SLC22A14: variants seen among roughly 807,000 people sequenced by gnomAD.
The protein encoded by SLC22A14 is organic cation transporter-like 4.
In SLC22A14, 50 loss-of-function variants were observed where a neutral mutation model predicts 53.9. The observed-to-expected ratio is 0.93, with a 90% CI of 0.74 to 1.17. The LOEUF is 1.17. Ranked by LOEUF, SLC22A14 falls within the 50% of genes most tolerant of loss-of-function variation. The pLI is 0.00. For synonymous variants in SLC22A14, 312 were observed against 303.0 expected (o/e 1.03, Z -0.31); for missense variants, 671 against 734.7 (o/e 0.91, Z 1.00).
chr3:38,291,023 A>G (rs1703902493), intron 1 of SLC22A14, among the ~76,000 whole-genome samples: 1 of 152,094 alleles, frequency 6.6e-6, no homozygotes, highest in Non-Finnish European at 1.5e-5. Context: ...TTCTCTCCAT[A>G]TTGCTGCGTG....
chr3:38,279,701 C>T (rs1298265058), upstream of SLC22A14, among the ~76,000 whole-genome samples: 8 of 151,476 alleles, frequency 5.3e-5, no homozygotes, highest in African/African-American at 1.7e-4. Context: ...GGGTAAGTGT[C>T]CTTTAGCAGT....
chr3:38,296,178 C>T (rs930848500), intron 1 of SLC22A14, among the ~76,000 whole-genome samples: 14 of 152,208 alleles, frequency 9.2e-5, no homozygotes, highest in African/African-American at 1.2e-4. Flanking sequence ...TAGGGGCACA[C>T]GCATGGGCGG....
At position 38,296,186 on chromosome 3, in the gene SLC22A14, C is replaced by T. The variant is rs752988632; in HGVS notation, c.1-9841C>T. Among the ~76,000 whole-genome samples, 29 of 151,984 alleles carry T rather than the reference C, an allele frequency of 1.9e-4. 1 individual carries two copies. The highest frequency in any genetic ancestry group is 6.3e-4 in the South Asian group (3 of 4,798). On this transcript the variant is annotated intron_variant, in intron 1 of 10. Coordinates refer to ENST00000448498, the MANE Select transcript of SLC22A14 (RefSeq NM_001320033.2). Reference sequence around the variant, plus strand: ...GGAAAGGTAGGGGCACACGCATGGGCGGCTGTTGAATAGAGACTTCTGGCT... The same window carrying T: ...GGAAAGGTAGGGGCACACGCATGGGTGGCTGTTGAATAGAGACTTCTGGCT...
At chr3:38,280,700 G>A (rs1703648888), upstream of SLC22A14, among the ~76,000 whole-genome samples, 1 of 149,810 alleles carries the variant, frequency 6.7e-6, no homozygotes, top group East Asian at 2.0e-4. Context: ...GCAATTCTCT[G>A]CTCACCGCAA....
chr3:38,292,670 G>C (rs1466314774), intron 1 of SLC22A14, among the ~76,000 whole-genome samples: 1 of 152,088 alleles, frequency 6.6e-6, no homozygotes, highest in African/African-American at 2.4e-5. Context: ...AATTTGAACA[G>C]GACGGGAATT....
chr3:38,300,435 A>G (rs846366), intron 1 of SLC22A14, among the ~76,000 whole-genome samples: 3,606 of 152,208 alleles, frequency 0.024, 58 homozygotes, highest in Non-Finnish European at 0.04. Flanking sequence ...GTGAGACTTC[A>G]TCTCAAAAAA....
intron 6 of SLC22A14, 82 bp downstream of exon 6, chr3:38,313,201 C>T: frequency 6.4e-7 from 1 of 1,565,572 alleles, no homozygotes; most frequent in Non-Finnish European, 8.7e-7. Flanking sequence ...TCAGGTGGGA[C>T]ATTGGTCCAG....
rs1704536900 is a variant in SLC22A14, at chr3:38,313,677, C to CAT, written c.1164-50_1164-49insAT. 33 of 762,494 alleles carry CAT rather than the reference C, an allele frequency of 4.3e-5. 2 individuals are homozygous for CAT. Among genetic ancestry groups the CAT allele is most frequent in the South Asian group, 4.2e-4 (25 of 59,370 alleles). The allele number at this position is 762,494 out of a possible 1,614,324, so 47.2% of individuals were successfully genotyped here. A position where few individuals can be genotyped will look rare whatever the true frequency, so the allele number is the denominator to read the frequency against. On this transcript the variant is annotated intron_variant, in intron 7 of 10. Transcript: ENST00000448498. ...CTGCCTCTGTCTTTATTCCTGGCTC[C>CAT]GTGTGTGTGCGCGCGTGTGCACGCG...
intron 1 of SLC22A14, among the ~76,000 whole-genome samples, chr3:38,285,633 A>C (rs989580876): frequency 1.3e-5 from 2 of 152,100 alleles, no homozygotes; most frequent in Non-Finnish European, 2.9e-5. Context: ...AAGCTTCTTC[A>C]TTTTCATTGC....
intron 1 of SLC22A14, among the ~76,000 whole-genome samples, chr3:38,298,554 T>TTG (rs112527761): frequency 0.49 from 72,459 of 148,882 alleles, 17,930 homozygotes; most frequent in South Asian, 0.62. Flanking sequence ...CTTCCCTGTC[T>TTG]TGTGTGTGTG....
intron 5 of SLC22A14, among the ~76,000 whole-genome samples, chr3:38,310,831 C>T (rs745971674): frequency 3.3e-5 from 5 of 152,148 alleles, no homozygotes; most frequent in Non-Finnish European, 4.4e-5. Flanking sequence ...CCCCACTGTT[C>T]CCCAGCCTCC....
intron 1 of SLC22A14, chr3:38,305,288 T>C (rs697331): frequency 0.95 from 144,695 of 152,356 alleles, 68,795 homozygotes; most frequent in African/African-American, 0.99. Context: ...GATGTACCTC[T>C]GTGAGAGTCT....
chr3:38,302,877 G>T (rs1704201438), intron 1 of SLC22A14, among the ~76,000 whole-genome samples: 1 of 151,868 alleles, frequency 6.6e-6, no homozygotes, highest in Admixed American at 6.6e-5. Context: ...ATATAAATTG[G>T]ACTTCCTTTG....
chr3:38,284,548 C>T (rs1559541573), intron 1 of SLC22A14, among the ~76,000 whole-genome samples: 1 of 152,178 alleles, frequency 6.6e-6, no homozygotes. Context: ...TGGGAATGTG[C>T]AGGGATCTTG....
At chr3:38,286,906 AT>A (rs1377359963) in intron 1 of SLC22A14, among the ~76,000 whole-genome samples, 12 of 134,240 alleles carry the variant, frequency 8.9e-5, no homozygotes, top group African/African-American at 5.6e-5. Context: ...TAATTTTTGT[AT>A]TTTTTTTTTA....
rs1167417245 is a variant in SLC22A14 at position 38,313,489 on chromosome 3, A to C, written c.1163+4A>C. 2 of 1,598,114 alleles carry C rather than the reference A, an allele frequency of 1.3e-6. No homozygotes were observed. The highest frequency in any genetic ancestry group is 1.1e-5 in the South Asian group (1 of 90,750). On this transcript the variant is annotated splice_donor_region_variant and intron_variant, in intron 7 of 10. Transcript: ENST00000448498. Reference sequence around the variant, plus strand: ...CCTTGGTGATGAGCTGTGTGTGGTGAGTATCCAGGGCTCGCTGGCAGGGAC... The same window carrying C: ...CCTTGGTGATGAGCTGTGTGTGGTGCGTATCCAGGGCTCGCTGGCAGGGAC...
At chr3:38,300,349 A>G (rs1247443041) in intron 1 of SLC22A14, among the ~76,000 whole-genome samples, 1 of 152,188 alleles carries the variant, frequency 6.6e-6, no homozygotes, top group African/African-American at 2.4e-5. Context: ...CTGAGGTAGG[A>G]GCATCACTTG....
At chr3:38,286,415 T>C (rs1201003844) in intron 1 of SLC22A14, among the ~76,000 whole-genome samples, 2 of 151,968 alleles carry the variant, frequency 1.3e-5, no homozygotes, top group Non-Finnish European at 2.9e-5. Context: ...ATTTTTCTTT[T>C]CTTTTCTTTT....
chr3:38,310,808 CT>C (rs1704448211), intron 5 of SLC22A14, among the ~76,000 whole-genome samples: 1 of 152,072 alleles, frequency 6.6e-6, no homozygotes, highest in African/African-American at 2.4e-5. Flanking sequence ...GCAGGGTCCA[CT>C]TGGCCAAAAA....
Sources: gnomAD v4.1 joint callset for allele counts (sites outside exome capture counted in the v4.1 genomes callset) on GRCh38, gnomAD v4.1.1 for gene constraint, MANE v1.5 for transcripts, NCBI Gene and HGNC (gene_info 2026-07-23, HGNC 2026-07-21) for gene names.